The following GRM7 variants were observed in gnomAD, a reference collection of about 807,000 sequenced individuals.
The protein encoded by GRM7 is glutamate metabotropic receptor 7.
Under a neutral mutation model 84.5 loss-of-function variants are expected in GRM7, and 35 were observed. The ratio of observed to expected loss-of-function variants is 0.41; its 90% CI spans 0.32 to 0.55. The LOEUF is 0.55. Among genes scored for constraint, GRM7 ranks in the 20% least tolerant of loss-of-function variants. The pLI, the probability that GRM7 is intolerant of heterozygous loss-of-function variation, is 0.19. For missense variants in GRM7, 1,003 were observed against 1,194.6 expected, an observed-to-expected ratio of 0.84 and a Z score of 2.36; for synonymous variants, 487 against 455.1, an observed-to-expected ratio of 1.07 and a Z score of -0.89.
At position 7,680,236 on chromosome 3, in the gene GRM7, C is replaced by T. The variant is rs992672610; in HGVS notation, c.2639C>T (p.Pro880Leu). Residue 880 changes from proline to leucine, a missense_variant, in exon 9 of 10, where the codon CCC (proline) becomes CTC (leucine). Around this residue, in one of 2 missense-constraint regions of GRM7, gnomAD observed 910 missense variants for 1,126.0 expected, o/e 0.81. Coordinates refer to ENST00000357716, the MANE Select transcript of GRM7 (RefSeq NM_000844.4). ...ATGTCATCGAGGCTGTCACACAAAC[C>T]CAGTGACAGACCCAACGGTGAGGCA... is the stretch of plus-strand genomic sequence containing the variant. The part of the protein sequence containing the change: ...ATMSSRLSHK[P>L]SDRPNGEAKT... The T allele has an allele frequency of 2.5e-6, 4 of 1,613,890 alleles. No individual in the cohort carries two copies. The highest frequency in any genetic ancestry group is 3.4e-6 in the Non-Finnish European group (4 of 1,179,772).
chr3:7,224,465 G>A (rs968970059), intron 2 of GRM7, among the ~76,000 whole-genome samples: 1 of 152,116 alleles, frequency 6.6e-6, no homozygotes, highest in Admixed American at 6.5e-5. Context: ...GATTTGGGTG[G>A]GGACACAGGT....
chr3:7,490,827 A>G (rs1442832479), intron 7 of GRM7, among the ~76,000 whole-genome samples: 2 of 152,274 alleles, frequency 1.3e-5, no homozygotes, highest in South Asian at 2.1e-4. Context: ...TATTTCAGAA[A>G]TAAACTTGGC....
chr3:6,912,138 C>T (rs564343415), intron 1 of GRM7, among the ~76,000 whole-genome samples: 39 of 152,078 alleles, frequency 2.6e-4, no homozygotes, highest in Admixed American at 1.3e-4. Context: ...ATCACCTATG[C>T]TCCCACAGGA....
intron 1 of GRM7, among the ~76,000 whole-genome samples, chr3:7,029,548 A>G (rs62236598): frequency 0.049 from 7,395 of 152,274 alleles, 392 homozygotes; most frequent in East Asian, 0.23. Flanking sequence ...ATTCTGAGCC[A>G]TGCTACAACA....
intron 1 of GRM7, among the ~76,000 whole-genome samples, chr3:7,119,126 T>G (rs1390277566): frequency 6.6e-6 from 1 of 152,154 alleles, no homozygotes; most frequent in African/African-American, 2.4e-5. Flanking sequence ...TTAGAAACTA[T>G]GAGTGTGCGT....
At chr3:6,959,657 A>T (rs575588090) in intron 1 of GRM7, among the ~76,000 whole-genome samples, 1 of 152,174 alleles carries the variant, frequency 6.6e-6, no homozygotes, top group Non-Finnish European at 1.5e-5. Context: ...AAGCACATAT[A>T]TCCCTCAAAT....
intron 2 of GRM7, among the ~76,000 whole-genome samples, chr3:7,167,620 C>T (rs1469566807): frequency 1.3e-5 from 2 of 152,036 alleles, no homozygotes; most frequent in Non-Finnish European, 1.5e-5. Context: ...TTCTAGGTTC[C>T]AGTCATTAAA....
intron 8 of GRM7, among the ~76,000 whole-genome samples, chr3:7,581,894 T>C (rs968437887): frequency 6.6e-6 from 1 of 151,992 alleles, no homozygotes; most frequent in African/African-American, 2.4e-5. Flanking sequence ...CCCATGAAGT[T>C]TGTTTTTGCT....
chr3:7,271,058 A>G (rs568058016), intron 2 of GRM7, among the ~76,000 whole-genome samples: 1 of 152,336 alleles, frequency 6.6e-6, no homozygotes, highest in South Asian at 2.1e-4. Flanking sequence ...ACACATAATT[A>G]GATACTAGTA....
chr3:7,431,447 A>G (rs1465438186), intron 5 of GRM7, among the ~76,000 whole-genome samples: 1 of 152,148 alleles, frequency 6.6e-6, no homozygotes, highest in African/African-American at 2.4e-5. Context: ...CTTCATATTG[A>G]TATGTATTTG....
At chr3:6,865,311 G>A (rs967445271) in intron 1 of GRM7, among the ~76,000 whole-genome samples, 9 of 152,144 alleles carry the variant, frequency 5.9e-5, no homozygotes, top group African/African-American at 2.4e-5. Context: ...ATAATACGGT[G>A]ACCAATGGAT....
At chr3:6,903,533 C>T (rs1341593918) in intron 1 of GRM7, among the ~76,000 whole-genome samples, 2 of 152,122 alleles carry the variant, frequency 1.3e-5, no homozygotes, top group Non-Finnish European at 2.9e-5. Flanking sequence ...CCAAGTTTTA[C>T]TTATCCATTA....
At chr3:7,105,390 T>G (rs17046779) in intron 1 of GRM7, among the ~76,000 whole-genome samples, 4,172 of 151,986 alleles carry the variant, frequency 0.027, 190 homozygotes, top group African/African-American at 0.096. Context: ...CTTTGCCTAT[T>G]GTTAAGTACA....
chr3:7,558,913 A>G (rs1693887490), intron 7 of GRM7, among the ~76,000 whole-genome samples: 1 of 152,148 alleles, frequency 6.6e-6, no homozygotes, highest in South Asian at 2.1e-4. Flanking sequence ...GGCCATTGAA[A>G]TCTGGGAAGC....
intron 4 of GRM7, among the ~76,000 whole-genome samples, chr3:7,317,679 T>C (rs529119865): frequency 6.6e-6 from 1 of 152,176 alleles, no homozygotes; most frequent in East Asian, 1.9e-4. Context: ...GATAGTCTAT[T>C]CTAGTGCTTT....
chr3:6,866,601 A>G (rs1471727886), intron 1 of GRM7, among the ~76,000 whole-genome samples: 1 of 152,204 alleles, frequency 6.6e-6, no homozygotes, highest in African/African-American at 2.4e-5. Flanking sequence ...GGTAGGGAAA[A>G]TGATCTCTCA....
intron 1 of GRM7, among the ~76,000 whole-genome samples, chr3:7,011,955 C>G (rs1190867242): frequency 6.6e-6 from 1 of 152,098 alleles, no homozygotes; most frequent in Non-Finnish European, 1.5e-5. Flanking sequence ...AATGAAGGTT[C>G]CTAGAAGAGA....
intron 8 of GRM7, among the ~76,000 whole-genome samples, chr3:7,675,735 A>T (rs936734363): frequency 6.6e-6 from 1 of 152,224 alleles, no homozygotes; most frequent in African/African-American, 2.4e-5. Flanking sequence ...ATACATAAAG[A>T]GTTTAAAATA....
chr3:7,270,566 G>A (rs1309426066), intron 2 of GRM7, among the ~76,000 whole-genome samples: 3 of 151,926 alleles, frequency 2.0e-5, no homozygotes, highest in Non-Finnish European at 4.4e-5. Flanking sequence ...TCTTCTCCAT[G>A]ATACCTTAGA....
Sources: allele counts gnomAD v4.1 joint callset (sites outside exome capture counted in the v4.1 genomes callset), GRCh38; gene constraint gnomAD v4.1.1; regional missense constraint gnomAD v4.1.1; transcripts MANE v1.5; gene names NCBI Gene and HGNC (gene_info 2026-07-23, HGNC 2026-07-21).